Variants in EIF4ENIF1 observed in about 807,000 individuals in gnomAD.
The protein encoded by EIF4ENIF1 is eukaryotic translation initiation factor 4E nuclear import factor 1, also known as eukaryotic translation initiation factor 4E transporter.
In EIF4ENIF1, 23 loss-of-function variants were observed where a neutral mutation model predicts 110.5. That is an observed-to-expected ratio of 0.21 (90% CI 0.15 to 0.29). The LOEUF (loss-of-function observed/expected upper bound fraction) is 0.29. Ranked by LOEUF, EIF4ENIF1 falls within the 10% of genes least tolerant of loss-of-function variation. The pLI, the probability that EIF4ENIF1 is intolerant of heterozygous loss-of-function variation, is 1.00. For missense variants in EIF4ENIF1, 1,031 were observed against 1,221.1 expected, an observed-to-expected ratio of 0.84 and a Z score of 2.32; for synonymous variants, 440 against 437.0, an observed-to-expected ratio of 1.01 and a Z score of -0.09.
intron 10 of EIF4ENIF1, 31 bp from the exon 11 acceptor site, chr22:31,450,391 C>T: frequency 1.9e-6 from 3 of 1,570,806 alleles, no homozygotes; most frequent in South Asian, 1.1e-5. Context: ...CTGGTTTTAA[C>T]TTTCTTAACT....
intron 9 of EIF4ENIF1, 50 bp downstream of exon 9, chr22:31,455,086 A>G (rs1206849396): frequency 6.7e-7 from 1 of 1,490,228 alleles, no homozygotes; most frequent in East Asian, 2.3e-5. Flanking sequence ...CTGAAGACTG[A>G]ACATCTAGAC....
intron 2 of EIF4ENIF1, among the ~76,000 whole-genome samples, chr22:31,475,778 G>A (rs1036160414): frequency 1.9e-4 from 28 of 151,220 alleles, no homozygotes; most frequent in African/African-American, 5.6e-4. Context: ...AGGAGGCTGC[G>A]GTGGGAGGGT....
intron 6 of EIF4ENIF1, among the ~76,000 whole-genome samples, chr22:31,462,472 G>A (rs560133349): frequency 2.4e-4 from 34 of 144,164 alleles, no homozygotes; most frequent in African/African-American, 7.7e-4. Flanking sequence ...GCAACTGAGC[G>A]AGACTCCGTC....
upstream of EIF4ENIF1, chr22:31,489,994 T>C (rs7290502): frequency 0.87 from 132,445 of 152,304 alleles, 57,645 homozygotes; most frequent in East Asian, 0.98. Context: ...GCCGCGCGCT[T>C]CCCGGACGCC....
At chr22:31,476,580 A>G (rs1347825497) in intron 2 of EIF4ENIF1, among the ~76,000 whole-genome samples, 1 of 152,200 alleles carries the variant, frequency 6.6e-6, no homozygotes, top group Non-Finnish European at 1.5e-5. Context: ...CTTGAACAGA[A>G]AAAGGATATT....
intron 4 of EIF4ENIF1, among the ~76,000 whole-genome samples, chr22:31,467,028 C>T (rs747148186): frequency 2.0e-5 from 3 of 152,082 alleles, no homozygotes; most frequent in Non-Finnish European, 4.4e-5. Flanking sequence ...TGAGTCAGTA[C>T]GTCATGAACA....
chr22:31,463,708 C>T lies in EIF4ENIF1; in HGVS notation c.558G>A (p.Glu186=). ...DLRDLRDRDR[E]RDFKDKRFRR... ...TGAAACGCTTGTCCTTGAAGTCCCT[C>T]TCTCGGTCTCTGTCTCTCAAGTCCC... Residue 186 remains glutamate, a synonymous_variant, in exon 5 of 19, where the codon GAG becomes GAA. Coordinates refer to ENST00000330125, the MANE Select transcript of EIF4ENIF1 (RefSeq NM_019843.4). The T allele has an allele frequency of 6.2e-7, 1 of 1,611,816 alleles. No individual in the cohort carries two copies. Among genetic ancestry groups the T allele is most frequent in the South Asian group, 1.1e-5 (1 of 90,980 alleles).
chr22:31,455,355 C>A, intron 8 of EIF4ENIF1, 40 bp from the exon 9 acceptor site: 1 of 1,422,086 alleles, frequency 7.0e-7, no homozygotes, highest in Non-Finnish European at 9.3e-7. Context: ...TAATCTGTTC[C>A]AGTAAAGAAA....
At chr22:31,444,742 C>T (rs959027960) in intron 14 of EIF4ENIF1, 52 bp from the exon 15 acceptor site, 1 of 1,555,394 alleles carries the variant, frequency 6.4e-7, no homozygotes, top group Non-Finnish European at 8.9e-7. Flanking sequence ...AACTTCAAGT[C>T]TTAAAACCAT....
At position 31,462,169 on chromosome 22, in the gene EIF4ENIF1, A is replaced by T. The variant is rs189639233; in HGVS notation, c.787+763T>A. 4.2e-3 allele frequency among the ~76,000 whole-genome samples: 644 copies of T among 152,242 alleles called. 3 individuals carry two copies. Among genetic ancestry groups the T allele is most frequent in the African/African-American group, 0.015 (607 of 41,546 alleles). On this transcript the variant is annotated intron_variant, in intron 6 of 18. Transcript: ENST00000330125. Reference sequence around the variant, plus strand: ...GAGTTAGGGAAACAGTATGATCTACACTTAGTGAATCCTCACTTAAGCAGT... The same window carrying T: ...GAGTTAGGGAAACAGTATGATCTACTCTTAGTGAATCCTCACTTAAGCAGT...
chr22:31,445,878 A>G (rs1236265810), intron 14 of EIF4ENIF1, among the ~76,000 whole-genome samples: 1 of 151,980 alleles, frequency 6.6e-6, no homozygotes, highest in African/African-American at 2.4e-5. Context: ...AAATGACTCA[A>G]ATATGCTTGC....
chr22:31,470,937 G>A (rs2051354370), intron 3 of EIF4ENIF1, among the ~76,000 whole-genome samples: 1 of 151,260 alleles, frequency 6.6e-6, no homozygotes, highest in Non-Finnish European at 1.5e-5. Context: ...GCTTGAACCT[G>A]GGAGGTGGAG....
At chr22:31,485,298 TTC>T (rs1257346669) in intron 2 of EIF4ENIF1, among the ~76,000 whole-genome samples, 1 of 152,222 alleles carries the variant, frequency 6.6e-6, no homozygotes. Context: ...TATGACAGAA[TTC>T]TGAGGCTGGA....
rs556270856 is a variant in EIF4ENIF1, at chr22:31,445,760, A to G, written c.1989-1070T>C. Among the ~76,000 whole-genome samples the G allele has an allele frequency of 2.0e-5, 3 of 152,286 alleles. No homozygotes were observed. In the South Asian group the frequency reaches 6.2e-4, roughly 32 times the overall value. On this transcript the variant is annotated intron_variant, in intron 14 of 18. Transcript: ENST00000330125. ...AATATGCTAGACAGTGATGAATACA[A>G]TTTAAAAAAGCAAGGTAAGGGGAAA...
chr22:31,470,685 CT>C (rs1174357066), intron 3 of EIF4ENIF1, among the ~76,000 whole-genome samples: 3,984 of 122,008 alleles, frequency 0.033, 58 homozygotes, highest in African/African-American at 0.08. Context: ...TTAAATAGGA[CT>C]TTTTTTTTTT....
upstream of EIF4ENIF1, among the ~76,000 whole-genome samples, chr22:31,491,147 G>T (rs1290263170): frequency 4.6e-5 from 7 of 152,154 alleles, no homozygotes; most frequent in Non-Finnish European, 1.0e-4. Flanking sequence ...TTTTACCTGT[G>T]AAATTGCGAA....
chr22:31,478,627 CTA>C, intron 2 of EIF4ENIF1, among the ~76,000 whole-genome samples: 1 of 151,578 alleles, frequency 6.6e-6, no homozygotes, highest in East Asian at 1.9e-4. Flanking sequence ...ACCATCCTGG[CTA>C]ACACAGTGAA....
chr22:31,467,268 A>C (rs2051221786), intron 4 of EIF4ENIF1, among the ~76,000 whole-genome samples: 1 of 152,082 alleles, frequency 6.6e-6, no homozygotes, highest in Admixed American at 6.6e-5. Flanking sequence ...ACTGTGTAGA[A>C]GGGTCTTATA....
Position 31,442,989 on chromosome 22 carries a change from T to C in EIF4ENIF1, c.2179A>G (p.Lys727Glu), listed in dbSNP as rs138729786. Reference sequence around the variant, plus strand: ...TCACTGGCCTTCTGAGTATCCTCTTTACTGTCACCAAGAGCTGCTTTTCCA... The same window carrying C: ...TCACTGGCCTTCTGAGTATCCTCTTCACTGTCACCAAGAGCTGCTTTTCCA... Reference protein sequence around the residue: ...ASGKAALGDSKEDTQKASEEN... With the variant: ...ASGKAALGDSEEDTQKASEEN... Residue 727 changes from lysine to glutamate, a missense_variant, in exon 16 of 19, where the codon AAA becomes GAA. Transcript: ENST00000330125. 34 of 1,614,010 alleles carry C rather than the reference T, an allele frequency of 2.1e-5. No homozygotes were observed. In the East Asian group the frequency reaches 3.1e-4, roughly 15 times the overall value.
Sources: allele counts gnomAD v4.1 joint callset (sites outside exome capture counted in the v4.1 genomes callset), GRCh38; gene constraint gnomAD v4.1.1; transcripts MANE v1.5; gene names NCBI Gene and HGNC (gene_info 2026-07-23, HGNC 2026-07-21).